The following CENPE variants were observed in gnomAD, a reference collection of about 807,000 sequenced individuals.
The protein encoded by CENPE is centromere protein E, also known as centromere-associated protein E.
Under a neutral mutation model 336.1 loss-of-function variants are expected in CENPE, and 145 were observed. The observed-to-expected ratio is 0.43, with a 90% CI of 0.38 to 0.50. The LOEUF is 0.50. CENPE is among the 20% of genes least tolerant of loss of function. The pLI, the probability that CENPE is intolerant of heterozygous loss-of-function variation, is 0.00. For synonymous variants in CENPE, 1,013 were observed against 984.8 expected, an observed-to-expected ratio of 1.03 and a Z score of -0.54; for missense variants, 2,719 against 3,023.3, an observed-to-expected ratio of 0.90 and a Z score of 2.36.
intron 24 of CENPE, among the ~76,000 whole-genome samples, chr4:103,155,648 T>C (rs567828611): frequency 2.0e-5 from 3 of 152,226 alleles, no homozygotes; most frequent in East Asian, 1.9e-4. Context: ...CTTTGGCCTA[T>C]GGTTATTCCA....
chr4:103,196,959 A>T, intron 1 of CENPE, 109 bp from the exon 2 acceptor site: 1 of 668,958 alleles, frequency 1.5e-6, no homozygotes. Context: ...ATAGTAACAT[A>T]AGAGAATGAC....
At chr4:103,141,969 A>T in intron 34 of CENPE, 61 bp from the exon 35 acceptor site, 1 of 1,026,900 alleles carries the variant, frequency 9.7e-7, no homozygotes, top group Non-Finnish European at 1.4e-6. Context: ...TTTAAAAAAT[A>T]AAGTGATATA....
intron 42 of CENPE, among the ~76,000 whole-genome samples, chr4:103,123,549 T>C (rs1045340324): frequency 6.6e-6 from 1 of 152,098 alleles, no homozygotes; most frequent in African/African-American, 2.4e-5. Flanking sequence ...AAATCATATA[T>C]TGAGGTTGCT....
In CENPE at chr4:103,144,575, G is replaced by A; in HGVS notation, c.4901C>T (p.Thr1634Ile). The A allele has an allele frequency of 1.2e-6, 2 of 1,611,684 alleles. No homozygotes were observed. Among genetic ancestry groups the A allele is most frequent in the South Asian group, 2.2e-5 (2 of 90,640 alleles). ...TTTCTCCTGAGTCTCATTGACAGCT[G>A]TCATCTTAAGAAACTGATATTCTTT... ...QEKEYQFLKM[T>I]AVNETQEKMC... Residue 1634 changes from threonine to isoleucine, a missense_variant, in exon 33 of 49, where the codon ACA becomes ATA. Thr to Ile is a moderately conservative substitution (Grantham distance 89). Around this residue, in one of 5 missense-constraint regions of CENPE, gnomAD observed 2,437 missense variants for 2,513.3 expected, o/e 0.97. Transcript: ENST00000265148.
chr4:103,174,987 C>A, intron 15 of CENPE, 84 bp from the exon 16 acceptor site: 1 of 787,990 alleles, frequency 1.3e-6, no homozygotes, highest in Non-Finnish European at 1.9e-6. Context: ...ATTTAAATAA[C>A]TACTTTAACT....
At chr4:103,131,877 T>G (rs1262373605) in intron 42 of CENPE, among the ~76,000 whole-genome samples, 2 of 152,114 alleles carry the variant, frequency 1.3e-5, no homozygotes, top group African/African-American at 2.4e-5. Flanking sequence ...GATTCCAACA[T>G]ATGACATTCT....
At position 103,149,325 on chromosome 4, in the gene CENPE, T is replaced by C. The variant is rs780044342; in HGVS notation, c.3480A>G (p.Ile1160Met). The C allele has an allele frequency of 1.9e-6, 3 of 1,610,906 alleles. No homozygotes were observed. Among genetic ancestry groups the C allele is most frequent in the Non-Finnish European group, 2.5e-6 (3 of 1,179,212 alleles). ...TCTTTAATTCATTCTTTAAATTCTC[T>C]ATTTCATTAATCTTTTTCTGCATCT... ...MSEMQKKINE[I>M]ENLKNELKNK... is the part of the protein sequence containing the mutation. Residue 1160 changes from isoleucine to methionine, a missense_variant, in exon 27 of 49, where the codon ATA becomes ATG. This residue lies in a region of CENPE where 2,437 missense variants were observed against 2,513.3 expected (regional missense o/e 0.97). Transcript: ENST00000265148.
In CENPE at chr4:103,168,219, C is replaced by T. The variant is rs1755087326; in HGVS notation, c.1648-4666G>A. ...GACTGAAGGGGCCCTGTCTCAGCTT[C>T]AATGCCTCTTTGCTGCAGTCAGGAA... On this transcript the variant is annotated intron_variant, in intron 16 of 48. Coordinates refer to ENST00000265148, the MANE Select transcript of CENPE (RefSeq NM_001813.3). 2.0e-5 allele frequency among the ~76,000 whole-genome samples: 3 copies of T among 152,118 alleles called. No homozygotes were observed. In the South Asian group the frequency reaches 6.2e-4, roughly 32 times the overall value.
rs749944922 is a variant in CENPE at position 103,158,266 on chromosome 4, G to A, written c.3033+34C>T. The A allele has an allele frequency of 6.6e-6, 10 of 1,522,386 alleles. No homozygotes were observed. In the African/African-American group the frequency reaches 1.3e-4, roughly 19 times the overall value. The allele number at this position is 1,522,386 out of a possible 1,614,324, so 94.3% of individuals were successfully genotyped here. A position where few individuals can be genotyped will look rare whatever the true frequency, so the allele number is the denominator to read the frequency against. ...TTGAGGTTAAAGAGTATATATACAA[G>A]CATATGAAAACTCTGAAAATAAACA... On this transcript the variant is annotated intron_variant, in intron 24 of 48. Transcript: ENST00000265148.
At chr4:103,170,074 G>A (rs1447046281) in intron 16 of CENPE, among the ~76,000 whole-genome samples, 1 of 152,124 alleles carries the variant, frequency 6.6e-6, no homozygotes, top group Admixed American at 6.5e-5. Flanking sequence ...ATAAGTGGGA[G>A]TTGAACAATG....
intron 24 of CENPE, among the ~76,000 whole-genome samples, chr4:103,155,026 A>G (rs1753854932): frequency 6.6e-6 from 1 of 152,090 alleles, no homozygotes; most frequent in Non-Finnish European, 1.5e-5. Context: ...TACAAGACCA[A>G]ATTGATCTCA....
chr4:103,112,178 T>G (rs774488998), intron 46 of CENPE, among the ~76,000 whole-genome samples: 2 of 150,108 alleles, frequency 1.3e-5, no homozygotes, highest in Non-Finnish European at 3.0e-5. Flanking sequence ...GTGTATACAC[T>G]TATATGTATC....
Position 103,159,027 on chromosome 4 carries a change from C to T in CENPE, c.2584G>A (p.Gly862Ser), listed in dbSNP as rs1487363291. 1.3e-6 allele frequency: 2 copies of T among 1,533,654 alleles called. No homozygotes were observed. Residue 862 changes from glycine to serine, a missense_variant, in exon 22 of 49, where the codon GGT (glycine) becomes AGT (serine). Gly to Ser is a moderately conservative substitution (Grantham distance 56, BLOSUM62 0). Around this residue, in one of 5 missense-constraint regions of CENPE, gnomAD observed 2,437 missense variants for 2,513.3 expected, o/e 0.97. Coordinates refer to ENST00000265148, the MANE Select transcript of CENPE (RefSeq NM_001813.3). ...KEAQKFDSSL[G>S]ALKTELSYKT... is the part of the protein sequence containing the mutation. ...GTACCAACCTCGGTCTTCAAAGCAC[C>T]CAAACTCGAATCAAATTTTTGGGCT...
At chr4:103,129,301 A>G (rs1751386035) in intron 42 of CENPE, among the ~76,000 whole-genome samples, 3 of 152,192 alleles carry the variant, frequency 2.0e-5, no homozygotes, top group Non-Finnish European at 4.4e-5. Context: ...AATTTAAGGA[A>G]AAAACTATAC....
In CENPE at chr4:103,161,152, C is replaced by T; in HGVS notation, c.2065G>A (p.Glu689Lys). The T allele has an allele frequency of 1.2e-6, 2 of 1,612,326 alleles. No individual in the cohort carries two copies. Among genetic ancestry groups the T allele is most frequent in the Non-Finnish European group, 1.7e-6 (2 of 1,179,192 alleles). ...ATCTCATTAAAAGCAGATTGTAATT[C>T]TTTCTCCAGATCAACTTGCATTTTC... ...KKKMQVDLEKELQSAFNEITK... is the reference protein window; with the variant it reads ...KKKMQVDLEKKLQSAFNEITK... The change falls in exon 20 of 49, where the codon GAA (glutamate) becomes AAA (lysine). Residue 689 changes from glutamate (E) to lysine (K), a missense_variant. Physicochemically the swap from Glu to Lys is moderately conservative, Grantham distance 56 (BLOSUM62 1). This residue lies in a region of CENPE where 2,437 missense variants were observed against 2,513.3 expected (regional missense o/e 0.97). Coordinates refer to ENST00000265148, the MANE Select transcript of CENPE (RefSeq NM_001813.3).
rs1560645004 is a variant in CENPE at position 103,160,714 on chromosome 4, C to G, written c.2197G>C (p.Val733Leu). The change falls in exon 21 of 49, where the codon GTT becomes CTT. Residue 733 changes from valine to leucine, a missense_variant. Transcript: ENST00000265148. Reference protein sequence around the residue: ...TDLQKELNKEVEENEALREEV... With the variant: ...TDLQKELNKELEENEALREEV... ...TCCCGCAAAGCTTCATTTTCTTCAA[C>G]TTCTTTATTTAGTTCTTTCTGAAGA... is the stretch of plus-strand genomic sequence containing the variant. The G allele has an allele frequency of 6.2e-7, 1 of 1,610,142 alleles. No homozygotes were observed. Among genetic ancestry groups the G allele is most frequent in the African/African-American group, 1.3e-5 (1 of 74,744 alleles).
Position 103,110,812 on chromosome 4 carries a change from T to C in CENPE, c.7724+16A>G, listed in dbSNP as rs188991038. 8.8e-4 allele frequency: 1,381 copies of C among 1,562,166 alleles called. 4 individuals are homozygous for C. The African/African-American group carries it at 0.012, about 14-fold the overall frequency. ...AGCCGTAAGCATAATATCCGTATCA[T>C]GTAAGCAGATCTTACCTTAACAATT... On this transcript the variant is annotated intron_variant, in intron 47 of 48. Coordinates refer to ENST00000265148, the MANE Select transcript of CENPE (RefSeq NM_001813.3).
In CENPE at chr4:103,136,190, G is replaced by T; in HGVS notation, c.6473C>A (p.Ala2158Glu). The T allele has an allele frequency of 6.2e-7, 1 of 1,613,830 alleles. No individual in the cohort carries two copies. The highest frequency in any genetic ancestry group is 8.5e-7 in the Non-Finnish European group (1 of 1,179,826). The change falls in exon 40 of 49, where the codon GCA becomes GAA. Residue 2158 changes from alanine to glutamate, a missense_variant. Physicochemically the swap from Ala to Glu is moderately radical, Grantham distance 107 (BLOSUM62 -1). Around this residue, in one of 5 missense-constraint regions of CENPE, gnomAD observed 2,437 missense variants for 2,513.3 expected, o/e 0.97. Coordinates refer to ENST00000265148, the MANE Select transcript of CENPE (RefSeq NM_001813.3). Reference protein sequence around the residue: ...QTKHIEKLFTANQRCSMEFHR... With the variant: ...QTKHIEKLFTENQRCSMEFHR... ...GAATTCCATGGAGCATCTCTGGTTTGCAGTAAAAAGTTTTTCAATGTGTTT... is the reference window on the plus strand; with the variant it reads ...GAATTCCATGGAGCATCTCTGGTTTTCAGTAAAAAGTTTTTCAATGTGTTT...
intron 8 of CENPE, among the ~76,000 whole-genome samples, chr4:103,186,369 C>T (rs6847142): frequency 0.03 from 4,529 of 152,180 alleles, 221 homozygotes; most frequent in African/African-American, 0.1. Context: ...CCTTCCTCCC[C>T]GCCAGATTTC....
Sources: gnomAD v4.1 joint callset for allele counts (sites outside exome capture counted in the v4.1 genomes callset) on GRCh38, gnomAD v4.1.1 for gene constraint, gnomAD v4.1.1 regional missense constraint, MANE v1.5 for transcripts, NCBI Gene and HGNC (gene_info 2026-07-23, HGNC 2026-07-21) for gene names.